Variants in PCYT1A observed in about 807,000 individuals in gnomAD.
The protein encoded by PCYT1A is choline-phosphate cytidylyltransferase A.
In PCYT1A, 25 loss-of-function variants were observed where a neutral mutation model predicts 43.7. That is an observed-to-expected ratio of 0.57 (90% CI 0.42 to 0.80). The LOEUF is 0.80. Ranked by LOEUF, PCYT1A falls within the 30% of genes least tolerant of loss-of-function variation. PCYT1A has a pLI of 0.00. For missense variants in PCYT1A, 421 were observed against 474.2 expected (o/e 0.89, Z 1.04); for synonymous variants, 172 against 170.7 (o/e 1.01, Z -0.06).
chr3:196,286,717 C>A (rs1181468972), intron 1 of PCYT1A, among the ~76,000 whole-genome samples: 1 of 152,166 alleles, frequency 6.6e-6, no homozygotes, highest in African/African-American at 2.4e-5. Flanking sequence ...AGTTCAAGAC[C>A]AGCCTGGCCA....
intron 1 of PCYT1A, among the ~76,000 whole-genome samples, chr3:196,276,092 G>A (rs1224432236): frequency 2.7e-5 from 4 of 145,574 alleles, no homozygotes; most frequent in Admixed American, 6.9e-5. Context: ...GTGAGACTCC[G>A]TCTCCAAAAA....
Position 196,270,434 on chromosome 3 carries a change from T to C in PCYT1A, c.98A>G (p.Lys33Arg), listed in dbSNP as rs897503443. ...ACTTACCACTGCACAGCGCTGCACT[T>C]TGGAAGGAACCCCATCTTCTTCTGT... ...GATEEDGVPS[K>R]VQRCAVGLRQ... is the part of the protein sequence containing the mutation. The change falls in exon 2 of 9, where the codon AAA becomes AGA. Residue 33 changes from lysine (K) to arginine (R), a missense_variant. Lys to Arg is a conservative substitution (Grantham distance 26). Coordinates refer to ENST00000431016, the MANE Select transcript of PCYT1A (RefSeq NM_001312673.2). 3 of 1,613,326 alleles carry C rather than the reference T, an allele frequency of 1.9e-6. No individual in the cohort carries two copies. The highest frequency in any genetic ancestry group is 2.5e-6 in the Non-Finnish European group (3 of 1,179,378).
At chr3:196,241,841 G>C in intron 7 of PCYT1A, 107 bp downstream of exon 7, 3 of 1,347,352 alleles carry the variant, frequency 2.2e-6, no homozygotes, top group Non-Finnish European at 3.2e-6. Flanking sequence ...CTGAACTTTT[G>C]GGAGTGATCA....
In PCYT1A at chr3:196,262,451, A is replaced by G. The variant is rs115867097; in HGVS notation, c.118-4564T>C. ...GTTAGCTCATTTCCTCTTGTATTCT[A>G]TAGAACACAGATTTCAGCATGCTAA... On this transcript the variant is annotated intron_variant, in intron 2 of 8. Transcript: ENST00000431016. Among the ~76,000 whole-genome samples, 358 of 152,342 alleles carry G rather than the reference A, an allele frequency of 2.3e-3. 1 individual carries two copies. Among genetic ancestry groups the G allele is most frequent in the Middle Eastern group, 6.8e-3 (2 of 294 alleles).
In PCYT1A at chr3:196,242,472, G is replaced by C. The variant is rs199898949; in HGVS notation, c.565+90C>G. 1.9e-4 allele frequency: 169 copies of C among 880,784 alleles called. 1 individual carries two copies. Among genetic ancestry groups the C allele is most frequent in the East Asian group, 1.6e-3 (66 of 41,628 alleles). The allele number at this position is 880,784 out of a possible 1,614,324, so 54.6% of individuals were successfully genotyped here. On this transcript the variant is annotated intron_variant, in intron 6 of 8. Coordinates refer to ENST00000431016, the MANE Select transcript of PCYT1A (RefSeq NM_001312673.2). The surrounding 1 kb of genome is among the most constrained non-coding windows in gnomAD (Gnocchi z 4.2). ...TGAAAGAGGATGTTGAATTTCTAAT[G>C]TACACATTTTCCTCTGTAAAGCAGC...
intron 7 of PCYT1A, 112 bp downstream of exon 7, chr3:196,241,836 C>T (rs757359503): frequency 1.5e-6 from 2 of 1,335,060 alleles, no homozygotes; most frequent in Non-Finnish European, 2.1e-6. Flanking sequence ...ATTCACTGAA[C>T]TTTTGGGAGT....
At chr3:196,249,007 G>A (rs866166344) in intron 3 of PCYT1A, among the ~76,000 whole-genome samples, 5 of 152,016 alleles carry the variant, frequency 3.3e-5, no homozygotes, top group East Asian at 3.9e-4. Context: ...TGATCCACCC[G>A]CCTAAGCCTC....
At position 196,239,603 on chromosome 3, in the gene PCYT1A, TCTC is replaced by T. The variant is rs771425372; in HGVS notation, c.838_840del (p.Glu280del). On this transcript the variant is annotated inframe_deletion, in exon 8 of 9. Transcript: ENST00000431016. ...AAACTTCCAATGAATTCTCGGGACTTCTCCTCCCACTTCTGAATGAGGTCAATG... is the reference window on the plus strand; with the variant it reads ...AAACTTCCAATGAATTCTCGGGACTTCTCCCACTTCTGAATGAGGTCAATG... The T allele has an allele frequency of 7.8e-5, 126 of 1,613,130 alleles. No individual in the cohort carries two copies. The highest frequency in any genetic ancestry group is 1.0e-4 in the Non-Finnish European group (120 of 1,179,220).
At chr3:196,276,992 G>A (rs935528246) in intron 1 of PCYT1A, among the ~76,000 whole-genome samples, 3 of 151,646 alleles carry the variant, frequency 2.0e-5, no homozygotes, top group African/African-American at 7.3e-5. Context: ...CACTTTGAGA[G>A]GCCAAGGCAG....
rs148602291 is a variant in PCYT1A at position 196,260,127 on chromosome 3, C to T, written c.118-2240G>A. Among the ~76,000 whole-genome samples the T allele has an allele frequency of 1.9e-3, 287 of 151,394 alleles. 2 individuals carry two copies. The highest frequency in any genetic ancestry group is 6.5e-3 in the African/African-American group (267 of 41,334). On this transcript the variant is annotated intron_variant, in intron 2 of 8. Transcript: ENST00000431016. ...TAGTAGAGACAGGGTTTCACCATGTCGGCCAGGCTGGTCTTGAACTCCTGG... is the reference window on the plus strand; with the variant it reads ...TAGTAGAGACAGGGTTTCACCATGTTGGCCAGGCTGGTCTTGAACTCCTGG...
At chr3:196,241,492 T>C in intron 7 of PCYT1A, 1 of 1,287,656 alleles carries the variant, frequency 7.8e-7, no homozygotes, top group South Asian at 1.2e-5. Flanking sequence ...TATATAGAGT[T>C]TCTAAAAGGC....
intron 7 of PCYT1A, chr3:196,240,929 G>A (rs1255085705): frequency 6.6e-6 from 1 of 152,066 alleles, no homozygotes; most frequent in African/African-American, 2.4e-5. Context: ...AACTGGTTAT[G>A]TAGAAGACAT....
chr3:196,274,182 G>C (rs569935486), intron 1 of PCYT1A, among the ~76,000 whole-genome samples: 114 of 152,346 alleles, frequency 7.5e-4, no homozygotes, highest in African/African-American at 2.6e-3. Context: ...CAGGCAGTGG[G>C]AGCAGGCACT....
At chr3:196,281,921 C>T (rs867558168) in intron 1 of PCYT1A, among the ~76,000 whole-genome samples, 8 of 152,222 alleles carry the variant, frequency 5.3e-5, no homozygotes, top group Middle Eastern at 3.4e-3. Flanking sequence ...AAACTCCTGG[C>T]CTCAAGCAAT....
At chr3:196,260,912 T>A (rs1226623106) in intron 2 of PCYT1A, among the ~76,000 whole-genome samples, 1 of 152,172 alleles carries the variant, frequency 6.6e-6, no homozygotes, top group African/African-American at 2.4e-5. Context: ...GCATTACTCG[T>A]AATAGCCAAA....
At chr3:196,251,108 A>C (rs1724760740) in intron 3 of PCYT1A, among the ~76,000 whole-genome samples, 3 of 151,376 alleles carry the variant, frequency 2.0e-5, no homozygotes, top group Non-Finnish European at 4.4e-5. Flanking sequence ...GCTGAGGCTG[A>C]GGATCAGATA....
rs1206077776 is a variant in PCYT1A at position 196,252,124 on chromosome 3, G to A, written c.218-3801C>T. On this transcript the variant is annotated intron_variant, in intron 3 of 8. Coordinates refer to ENST00000431016, the MANE Select transcript of PCYT1A (RefSeq NM_001312673.2). The surrounding 1 kb of genome is among the most constrained non-coding windows in gnomAD (Gnocchi z 4.0). ...CGCAGACTACAGCGCACCCCGCCAC[G>A]CCCCACTGGCTACAGTGCACACCGC... is the stretch of plus-strand genomic sequence containing the variant. 2.0e-5 allele frequency among the ~76,000 whole-genome samples: 3 copies of A among 151,414 alleles called. No homozygotes were observed. Among genetic ancestry groups the A allele is most frequent in the Non-Finnish European group, 2.9e-5 (2 of 67,860 alleles).
chr3:196,250,868 TTGAGGATCAGATACACTATGCTGAGGC>T (rs1724747625), intron 3 of PCYT1A, among the ~76,000 whole-genome samples: 2 of 89,616 alleles, frequency 2.2e-5, no homozygotes, highest in Non-Finnish European at 4.7e-5. Flanking sequence ...CATGCTGAGG[TTGAGGATCAGATACACTATGCTGAGGC>T]TGAGGACCAG....
chr3:196,241,556 T>G, intron 7 of PCYT1A: 1 of 1,296,558 alleles, frequency 7.7e-7, no homozygotes, highest in Non-Finnish European at 1.0e-6. Context: ...AAAACTCAGG[T>G]CTGTGTGGGA....
Sources: allele counts gnomAD v4.1 joint callset (sites outside exome capture counted in the v4.1 genomes callset), GRCh38; gene constraint gnomAD v4.1.1; non-coding constraint Gnocchi (gnomAD v3.1); transcripts MANE v1.5; gene names NCBI Gene and HGNC (gene_info 2026-07-23, HGNC 2026-07-21).